CUX2: variants seen among roughly 807,000 people sequenced by gnomAD.
The protein encoded by CUX2 is cut like homeobox 2, also known as homeobox protein cut-like 2.
CUX2 carries 40 observed loss-of-function variants against 144.8 expected under a neutral mutation model. The ratio of observed to expected loss-of-function variants is 0.28; its 90% CI spans 0.21 to 0.36. The LOEUF (loss-of-function observed/expected upper bound fraction) is 0.36. Ranked by LOEUF, CUX2 falls within the 10% of genes least tolerant of loss-of-function variation. CUX2 has a pLI of 1.00. For missense variants in CUX2, 1,615 were observed against 1,994.0 expected, an observed-to-expected ratio of 0.81 and a Z score of 3.62; for synonymous variants, 827 against 875.6, an observed-to-expected ratio of 0.94 and a Z score of 0.98.
chr12:111,181,698 C>T (rs1185295630), intron 1 of CUX2, among the ~76,000 whole-genome samples: 3 of 152,178 alleles, frequency 2.0e-5, no homozygotes, highest in Non-Finnish European at 2.9e-5. Flanking sequence ...CATCGATTAC[C>T]GTTATAACAA....
intron 3 of CUX2, among the ~76,000 whole-genome samples, chr12:111,221,680 A>G (rs1288847975): frequency 2.0e-5 from 3 of 152,016 alleles, no homozygotes. Flanking sequence ...AATAAAATAT[A>G]CCATGTTATT....
At chr12:111,091,824 G>A (rs1029419177) in intron 1 of CUX2, among the ~76,000 whole-genome samples, 2 of 152,128 alleles carry the variant, frequency 1.3e-5, no homozygotes, top group East Asian at 1.9e-4. Context: ...GCTTGTGGCC[G>A]CATCACTAGG....
intron 8 of CUX2, 32 bp from the exon 9 acceptor site, chr12:111,298,509 C>T: frequency 6.4e-7 from 1 of 1,557,186 alleles, no homozygotes; most frequent in Non-Finnish European, 8.7e-7. Flanking sequence ...CCGCCGGAAG[C>T]CCTTCCTCAG....
chr12:111,321,455 C>A (rs1010705082), intron 17 of CUX2, among the ~76,000 whole-genome samples: 1 of 150,970 alleles, frequency 6.6e-6, no homozygotes. Context: ...GGTGACAGAA[C>A]GATACTCCAT....
intron 1 of CUX2, among the ~76,000 whole-genome samples, chr12:111,213,223 A>G (rs1881329390): frequency 1.3e-5 from 2 of 152,248 alleles, no homozygotes; most frequent in African/African-American, 4.8e-5. Flanking sequence ...AAAAAAGCCC[A>G]TCTCGGGATG....
At chr12:111,243,833 A>G (rs1364357004) in intron 3 of CUX2, among the ~76,000 whole-genome samples, 1 of 152,188 alleles carries the variant, frequency 6.6e-6, no homozygotes, top group Non-Finnish European at 1.5e-5. Flanking sequence ...CAAGTTGGTC[A>G]AGCCATGTCT....
chr12:111,096,257 A>T (rs1872810329), intron 1 of CUX2, among the ~76,000 whole-genome samples: 1 of 152,128 alleles, frequency 6.6e-6, no homozygotes, highest in Non-Finnish European at 1.5e-5. Flanking sequence ...GGGTGAGGGG[A>T]AATCAGACCT....
At chr12:111,297,979 G>T (rs755536003) in intron 8 of CUX2, among the ~76,000 whole-genome samples, 1 of 152,178 alleles carries the variant, frequency 6.6e-6, no homozygotes, top group Non-Finnish European at 1.5e-5. Flanking sequence ...AAGAAAGCAG[G>T]GAAGGGTGCT....
intron 6 of CUX2, among the ~76,000 whole-genome samples, chr12:111,294,021 T>C (rs1285212655): frequency 6.6e-6 from 1 of 152,264 alleles, no homozygotes; most frequent in Non-Finnish European, 1.5e-5. Flanking sequence ...AGATGGGATC[T>C]TGCTCTGTCA....
chr12:111,036,463 C>G (rs928627130), intron 1 of CUX2, among the ~76,000 whole-genome samples: 15 of 152,152 alleles, frequency 9.9e-5, no homozygotes, highest in African/African-American at 3.6e-4. Flanking sequence ...AATCTTGATT[C>G]CAGCTGGACG....
rs1239260185 is a variant in CUX2, at chr12:111,277,964, C to T, written c.302-13454C>T. 6.6e-6 allele frequency among the ~76,000 whole-genome samples: 1 copy of T among 152,228 alleles called. No individual in the cohort carries two copies. Among genetic ancestry groups the T allele is most frequent in the Non-Finnish European group, 1.5e-5 (1 of 68,044 alleles). On this transcript the variant is annotated intron_variant, in intron 4 of 21. Coordinates refer to ENST00000261726, the MANE Select transcript of CUX2 (RefSeq NM_015267.4). The surrounding 1 kb of genome is among the most constrained non-coding windows in gnomAD (Gnocchi z 5.0). ...AAGCAGGAGGCTGCAGGGGAGAAGT[C>T]ATTTCCTTGTCTTTTCCACCTTCTC...
At chr12:111,232,866 A>T (rs1327452595) in intron 3 of CUX2, among the ~76,000 whole-genome samples, 1 of 152,218 alleles carries the variant, frequency 6.6e-6, no homozygotes, top group Non-Finnish European at 1.5e-5. Flanking sequence ...GAAGCAAATA[A>T]GACAAAGACG....
intron 1 of CUX2, among the ~76,000 whole-genome samples, chr12:111,150,964 T>C (rs571065639): frequency 6.6e-6 from 1 of 152,322 alleles, no homozygotes; most frequent in Non-Finnish European, 1.5e-5. Context: ...TACAGTTGCA[T>C]CTCAAACGTT....
At chr12:111,235,644 T>C (rs1315566227) in intron 3 of CUX2, among the ~76,000 whole-genome samples, 2 of 151,952 alleles carry the variant, frequency 1.3e-5, no homozygotes, top group Non-Finnish European at 2.9e-5. Context: ...TTGCTTGAAC[T>C]CTGGAGGCAG....
intron 3 of CUX2, among the ~76,000 whole-genome samples, chr12:111,218,181 A>G (rs1881654841): frequency 6.6e-6 from 1 of 152,108 alleles, no homozygotes; most frequent in Non-Finnish European, 1.5e-5. Flanking sequence ...CTCTCCCTCG[A>G]CTTTGCCCAG....
chr12:111,205,937 T>C (rs1880896678), intron 1 of CUX2, among the ~76,000 whole-genome samples: 1 of 152,216 alleles, frequency 6.6e-6, no homozygotes, highest in East Asian at 1.9e-4. Flanking sequence ...TTCTAGGCAC[T>C]GAGGATATCT....
intron 1 of CUX2, among the ~76,000 whole-genome samples, chr12:111,102,588 T>G (rs1873324317): frequency 6.6e-6 from 1 of 152,246 alleles, no homozygotes; most frequent in Non-Finnish European, 1.5e-5. Context: ...GGCCTTGTGC[T>G]GAAACAGCTT....
At chr12:111,321,432 G>A (rs1314714367) in intron 17 of CUX2, among the ~76,000 whole-genome samples, 2 of 151,778 alleles carry the variant, frequency 1.3e-5, no homozygotes, top group Admixed American at 6.6e-5. Context: ...TCTCGCTACT[G>A]TGCTCCAGCC....
chr12:111,342,065 G>C lies in CUX2; in HGVS notation c.3659+12G>C, dbSNP rs149650623. ...TTCCACAACTACAGGTGGGACTATG[G>C]GGGCGTACCCACAGGCGGGTGGCAG... On this transcript the variant is annotated intron_variant, in intron 21 of 21. Transcript: ENST00000261726. The C allele has an allele frequency of 3.1e-6, 5 of 1,603,782 alleles. No homozygotes were observed. Among genetic ancestry groups the C allele is most frequent in the Non-Finnish European group, 4.3e-6 (5 of 1,174,368 alleles).
Sources: allele counts gnomAD v4.1 joint callset (sites outside exome capture counted in the v4.1 genomes callset), GRCh38; gene constraint gnomAD v4.1.1; non-coding constraint Gnocchi (gnomAD v3.1); transcripts MANE v1.5; gene names NCBI Gene and HGNC (gene_info 2026-07-23, HGNC 2026-07-21).